The following NBPF8 variants were observed in gnomAD, a reference collection of about 807,000 sequenced individuals.
NBPF8 encodes the protein NBPF member 8.
intron 17 of NBPF8, among the ~76,000 whole-genome samples, chr1:120,460,109 TA>T (rs1247765045): frequency 2.0e-5 from 3 of 152,174 alleles, no homozygotes; most frequent in African/African-American, 7.2e-5. Context: ...ACAAAAGCCA[TA>T]ATAGCTGATG....
chr1:120,455,289 C>G (rs1325883578), intron 15 of NBPF8, 120 bp from the exon 14 acceptor site: 5 of 648,072 alleles, frequency 7.7e-6, no homozygotes, highest in Non-Finnish European at 1.4e-5. Flanking sequence ...ATATTCCTGT[C>G]AGAATCCTTA....
rs1300556877 is a variant in NBPF8 at position 120,427,953 on chromosome 1, C to A, written n.510+106C>A. 5.9e-5 allele frequency among the ~76,000 whole-genome samples: 9 copies of A among 152,094 alleles called. No individual in the cohort carries two copies. The East Asian group carries it at 1.7e-3, about 29-fold the overall frequency. On this transcript the variant is annotated intron_variant and non_coding_transcript_variant, in intron 3 of 28. Transcript: ENST00000652355. ...TCTCTAATCTAGCCCATATGCTTAG[C>A]TGAGTTTTCTTTGTATCACTTTAAA...
chr1:120,431,051 A>C, intron 3 of NBPF8, among the ~76,000 whole-genome samples: 1 of 150,004 alleles, frequency 6.7e-6, no homozygotes, highest in Non-Finnish European at 1.5e-5. Context: ...CAATATTATA[A>C]AAGAATAATG....
At chr1:120,450,552 C>A (rs1553248663) in intron 11 of NBPF8, among the ~76,000 whole-genome samples, 1 of 152,180 alleles carries the variant, frequency 6.6e-6, no homozygotes, top group East Asian at 1.9e-4. Context: ...TTTATTGGCA[C>A]ACAGTAAACA....
At chr1:120,459,753 C>T (rs1661524030) in intron 17 of NBPF8, among the ~76,000 whole-genome samples, 1 of 152,214 alleles carries the variant, frequency 6.6e-6, no homozygotes, top group African/African-American at 2.4e-5. Context: ...CATGCCCGTG[C>T]CAACCTGGAC....
chr1:120,434,240 A>T (rs1484953074), upstream of NBPF8, among the ~76,000 whole-genome samples: 2 of 148,142 alleles, frequency 1.4e-5, no homozygotes, highest in Non-Finnish European at 3.0e-5. Flanking sequence ...ATATATATAT[A>T]ATATATATAC....
intron 3 of NBPF8, among the ~76,000 whole-genome samples, 23 bp downstream of exon 3, chr1:120,427,870 C>T (rs1159998945): frequency 4.7e-5 from 7 of 149,184 alleles, no homozygotes; most frequent in Non-Finnish European, 7.4e-5. Context: ...ACACAGAGAG[C>T]TTTCTGAAAG....
chr1:120,430,707 C>T lies in NBPF8; in HGVS notation n.510+2860C>T, dbSNP rs1410369682. On this transcript the variant is annotated intron_variant and non_coding_transcript_variant, in intron 3 of 28. Transcript: ENST00000652355. ...GGCAGAGGTTACAGTGAGCCGAGAT[C>T]GCATCACTGCACTCCAGCCTGGGTA... Among the ~76,000 whole-genome samples the T allele has an allele frequency of 4.1e-4, 57 of 139,188 alleles. No homozygotes were observed. In the South Asian group the frequency reaches 8.2e-3, roughly 20 times the overall value. The allele number at this position is 139,188 out of a possible 152,430, so 91.3% of individuals were successfully genotyped here. A position where few individuals can be genotyped will look rare whatever the true frequency, so the allele number is the denominator to read the frequency against.
chr1:120,454,034 T>C, exon 15 of NBPF8: 2 of 1,612,858 alleles, frequency 1.2e-6, no homozygotes, highest in Non-Finnish European at 1.7e-6. Context: ...AAAATCACAT[T>C]TGAGGAAGAC....
At chr1:120,452,571 G>A (rs1462053608) in intron 13 of NBPF8, among the ~76,000 whole-genome samples, 1 of 152,200 alleles carries the variant, frequency 6.6e-6, no homozygotes. Flanking sequence ...GCAAGAGGCA[G>A]CATCTGTCTA....
At chr1:120,464,218 G>C (rs1389973503) in intron 22 of NBPF8, among the ~76,000 whole-genome samples, 158 bp from the exon 21 acceptor site, 1 of 133,822 alleles carries the variant, frequency 7.5e-6, no homozygotes. Context: ...ATTTGGCCCT[G>C]TTCTGTCCCA....
chr1:120,469,087 T>C (rs1394878982), downstream of NBPF8, among the ~76,000 whole-genome samples: 1 of 142,196 alleles, frequency 7.0e-6, no homozygotes, highest in African/African-American at 2.6e-5. Context: ...TTCAATCGTT[T>C]ACAAAAGAAG....
At chr1:120,452,082 T>A in intron 12 of NBPF8, 35 bp from the exon 11 acceptor site, 3 of 1,452,720 alleles carry the variant, frequency 2.1e-6, no homozygotes, top group Admixed American at 1.7e-5. Flanking sequence ...CTCAACCCTT[T>A]CCACTCTTAA....
At chr1:120,468,617 A>T (rs1363632418), downstream of NBPF8, among the ~76,000 whole-genome samples, 27 of 149,534 alleles carry the variant, frequency 1.8e-4, no homozygotes, top group East Asian at 1.9e-4. Flanking sequence ...TCTCCAGAGG[A>T]TACTTCCATG....
chr1:120,430,752 CAAAAAAAAAAAA>C (rs1160946903), intron 3 of NBPF8, among the ~76,000 whole-genome samples: 17 of 41,274 alleles, frequency 4.1e-4, no homozygotes, highest in African/African-American at 1.6e-3. Context: ...GACTCTGTCT[CAAAAAAAAAAAA>C]AAAAAAAAAA....
At chr1:120,425,289 G>A (rs1288183129) in intron 1 of NBPF8, among the ~76,000 whole-genome samples, 2 of 151,938 alleles carry the variant, frequency 1.3e-5, no homozygotes, top group Non-Finnish European at 2.9e-5. Context: ...TCGGTGTAAA[G>A]CCCGATTGTA....
upstream of NBPF8, among the ~76,000 whole-genome samples, chr1:120,434,462 CTCG>C (rs1661014717): frequency 6.9e-6 from 1 of 145,392 alleles, no homozygotes; most frequent in Non-Finnish European, 1.5e-5. Context: ...CACCCATTAA[CTCG>C]TCATTTACAT....
rs1345599512 is a variant in NBPF8, at chr1:120,466,310, A to T, written n.3901A>T. 19 of 1,547,944 alleles carry T rather than the reference A, an allele frequency of 1.2e-5. No homozygotes were observed. In the African/African-American group the frequency reaches 2.1e-4, roughly 17 times the overall value. The stretch of plus-strand genomic sequence containing the variant: ...TGAATGAAACTATAGTTCCATTTGG[A>T]AGCCCAGACATAGGATGGGTCAGTG... On this transcript the variant is annotated non_coding_transcript_exon_variant, in exon 25 of 25. Transcript: ENST00000583271.
chr1:120,454,890 T>C (rs1661393591), intron 15 of NBPF8, among the ~76,000 whole-genome samples: 1 of 145,088 alleles, frequency 6.9e-6, no homozygotes, highest in African/African-American at 2.6e-5. Context: ...AATTTTTGTA[T>C]TTTTAGTAGA....
Sources: allele counts gnomAD v4.1 joint callset (sites outside exome capture counted in the v4.1 genomes callset), GRCh38; gene constraint gnomAD v4.1.1; transcripts MANE v1.5; gene names NCBI Gene and HGNC (gene_info 2026-07-23, HGNC 2026-07-21).